AKAP13: variants seen among roughly 807,000 people sequenced by gnomAD.
AKAP13 encodes A-kinase anchoring protein 13.
In AKAP13, 80 loss-of-function variants were observed where a neutral mutation model predicts 264.5. The ratio of observed to expected loss-of-function variants is 0.30; its 90% CI spans 0.25 to 0.36. The LOEUF is 0.36. Among genes scored for constraint, AKAP13 ranks in the 10% least tolerant of loss-of-function variants. The pLI, the probability that AKAP13 is intolerant of heterozygous loss-of-function variation, is 1.00. For synonymous variants in AKAP13, 1,380 were observed against 1,250.2 expected (o/e 1.10, Z -2.19); for missense variants, 3,712 against 3,435.2 (o/e 1.08, Z -2.01).
intron 14 of AKAP13, 107 bp from the exon 15 acceptor site, chr15:85,682,051 C>G: frequency 9.6e-7 from 1 of 1,040,568 alleles, no homozygotes. Context: ...TGCTGACTTT[C>G]ACACGCTGTT....
At chr15:85,665,409 A>G (rs2083537477) in intron 13 of AKAP13, among the ~76,000 whole-genome samples, 1 of 152,180 alleles carries the variant, frequency 6.6e-6, no homozygotes, top group Non-Finnish European at 1.5e-5. Context: ...ATTCTCTAAA[A>G]CATATCCCAA....
rs540686284 is a variant in AKAP13, at chr15:85,519,725, TAGTC to T, written c.34-1702_34-1699del. Among the ~76,000 whole-genome samples the T allele has an allele frequency of 8.8e-3, 1,335 of 152,332 alleles. 12 individuals carry two copies. The highest frequency in any genetic ancestry group is 0.014 in the Middle Eastern group (4 of 294). ...GATACTGTTGAATGCTCCACTGTGG[TAGTC>T]GTAGTAGTCATGGACCCACTGGAGC... On this transcript the variant is annotated intron_variant, in intron 2 of 36. Transcript: ENST00000394518.
rs1213178948 is a variant in AKAP13 at position 85,747,133 on chromosome 15, C to T, written c.*2456C>T. Reference sequence around the variant, plus strand: ...ACAAGTTTAAAATCAAAGTAGTGCCCGGAATTCCCTCAAACCACCCAACTT... The same window carrying T: ...ACAAGTTTAAAATCAAAGTAGTGCCTGGAATTCCCTCAAACCACCCAACTT... On this transcript the variant is annotated 3_prime_UTR_variant, in exon 37 of 37. Coordinates refer to ENST00000394518, the MANE Select transcript of AKAP13 (RefSeq NM_007200.5). 5 of 152,124 alleles carry T rather than the reference C, an allele frequency of 3.3e-5. No individual in the cohort carries two copies. The highest frequency in any genetic ancestry group is 1.3e-4 in the Admixed American group (2 of 15,266). The allele number at this position is 152,124 out of a possible 1,614,324, so 9.4% of individuals were successfully genotyped here.
intron 2 of AKAP13, among the ~76,000 whole-genome samples, chr15:85,512,636 A>G (rs1396569199): frequency 1.3e-5 from 2 of 152,152 alleles, no homozygotes; most frequent in African/African-American, 4.8e-5. Flanking sequence ...CAAGATTTAA[A>G]AAATACTCTC....
intron 8 of AKAP13, among the ~76,000 whole-genome samples, chr15:85,636,800 A>G (rs1199367160): frequency 5.3e-5 from 8 of 152,006 alleles, no homozygotes; most frequent in Admixed American, 5.2e-4. Context: ...TTTTCAGTAG[A>G]GATGTGGTTT....
chr15:85,526,367 C>G (rs1250301473), intron 3 of AKAP13, among the ~76,000 whole-genome samples: 1 of 152,016 alleles, frequency 6.6e-6, no homozygotes, highest in East Asian at 1.9e-4. Context: ...TGAAGTTATT[C>G]TTATACCTCA....
chr15:85,703,582 C>T (rs1012537460), intron 17 of AKAP13, among the ~76,000 whole-genome samples: 11 of 152,208 alleles, frequency 7.2e-5, no homozygotes, highest in African/African-American at 2.7e-4. Flanking sequence ...TGGCTCACGC[C>T]TGTGATCCCA....
intron 1 of AKAP13, among the ~76,000 whole-genome samples, chr15:85,405,901 G>A (rs543117298): frequency 1.3e-5 from 2 of 152,140 alleles, no homozygotes; most frequent in Admixed American, 1.3e-4. Flanking sequence ...GGCTGTTAGA[G>A]TACACTGGTG....
At chr15:85,573,322 C>T (rs1388773751) in intron 5 of AKAP13, among the ~76,000 whole-genome samples, 1 of 152,088 alleles carries the variant, frequency 6.6e-6, no homozygotes, top group Non-Finnish European at 1.5e-5. Flanking sequence ...GTGGGTGGAT[C>T]ACCTGAGGTC....
intron 33 of AKAP13, among the ~76,000 whole-genome samples, chr15:85,737,256 T>G (rs898413999): frequency 6.6e-6 from 1 of 152,154 alleles, no homozygotes; most frequent in Admixed American, 6.5e-5. Flanking sequence ...AGACTTAATA[T>G]GTGTTTCATC....
Position 85,494,616 on chromosome 15 carries a change from A to T in AKAP13, c.33+8863A>T, listed in dbSNP as rs1460745029. On this transcript the variant is annotated intron_variant, in intron 2 of 36. Coordinates refer to ENST00000394518, the MANE Select transcript of AKAP13 (RefSeq NM_007200.5). ...ACGAATTTGATGAGTCATAGGAATC[A>T]TTGTATGTTAGGAGTGGTTGAGCCC... is the stretch of plus-strand genomic sequence containing the variant. Among the ~76,000 whole-genome samples, 3 of 152,188 alleles carry T rather than the reference A, an allele frequency of 2.0e-5. No individual in the cohort carries two copies. The East Asian group carries it at 5.8e-4, about 29-fold the overall frequency.
In AKAP13 at chr15:85,747,020, TTTGG is replaced by T. The variant is rs1486100534; in HGVS notation, c.*2347_*2350del. ...CGCCCAGCTGTGATGTTTCATCTGC[TTTGG>T]TTGTTTTGGTGGTCTTTTTTAAAAA... On this transcript the variant is annotated 3_prime_UTR_variant, in exon 37 of 37. Transcript: ENST00000394518. The T allele has an allele frequency of 1.3e-5, 2 of 152,250 alleles. No individual in the cohort carries two copies. The highest frequency in any genetic ancestry group is 4.8e-5 in the African/African-American group (2 of 41,454). The allele number at this position is 152,250 out of a possible 1,614,324, so 9.4% of individuals were successfully genotyped here.
Position 85,741,245 on chromosome 15 carries a change from G to A in AKAP13, c.7808G>A (p.Arg2603His), listed in dbSNP as rs1011716750. Reference sequence around the variant, plus strand: ...CTCGAGGAGAAGCGCAGGCGCGAGCGTGAGTGGGAAGCTCGTGAGAGGGAG... The same window carrying A: ...CTCGAGGAGAAGCGCAGGCGCGAGCATGAGTGGGAAGCTCGTGAGAGGGAG... ...QYLEEKRRRE[R>H]EWEARERELR... is the part of the protein sequence containing the mutation. Residue 2603 changes from arginine (R) to histidine (H), a missense_variant, in exon 35 of 37, where the codon CGT becomes CAT. Arg to His is a conservative substitution (Grantham distance 29, BLOSUM62 0). This residue lies in a region of AKAP13 where 611 missense variants were observed against 539.3 expected (regional missense o/e 1.13). Coordinates refer to ENST00000394518, the MANE Select transcript of AKAP13 (RefSeq NM_007200.5). The A allele has an allele frequency of 4.3e-6, 7 of 1,609,416 alleles. No homozygotes were observed. The highest frequency in any genetic ancestry group is 2.7e-5 in the African/African-American group (2 of 74,866).
intron 17 of AKAP13, among the ~76,000 whole-genome samples, chr15:85,698,943 C>CAAAA (rs10715702): frequency 4.7e-4 from 34 of 72,834 alleles, no homozygotes; most frequent in Admixed American, 1.8e-4. Context: ...GACCTTGTCT[C>CAAAA]AAAAAAAAAA....
chr15:85,653,518 C>G (rs2082959957), intron 10 of AKAP13, among the ~76,000 whole-genome samples: 1 of 152,022 alleles, frequency 6.6e-6, no homozygotes, highest in African/African-American at 2.4e-5. Context: ...GAGATCAAGC[C>G]CAAAAGGTAG....
At chr15:85,557,911 G>C (rs750653194) in intron 5 of AKAP13, among the ~76,000 whole-genome samples, 12 of 152,182 alleles carry the variant, frequency 7.9e-5, no homozygotes, top group Non-Finnish European at 1.6e-4. Flanking sequence ...TTGGTTTTCA[G>C]CTTTGCTCAG....
rs181503295 is a variant in AKAP13, at chr15:85,711,194, A to G, written c.5599+549A>G. ...CCATGCCCGGCCTAAACTTCTTTCT[A>G]AACTGAGAAGTTATAGAAAATAGTT... On this transcript the variant is annotated intron_variant, in intron 19 of 36. Coordinates refer to ENST00000394518, the MANE Select transcript of AKAP13 (RefSeq NM_007200.5). 1.2e-4 allele frequency among the ~76,000 whole-genome samples: 19 copies of G among 152,124 alleles called. 1 individual carries two copies. Among genetic ancestry groups the G allele is most frequent in the African/African-American group, 4.6e-4 (19 of 41,506 alleles).
chr15:85,726,657 C>CA (rs1026103598), intron 27 of AKAP13, among the ~76,000 whole-genome samples, 171 bp downstream of exon 27: 1 of 152,160 alleles, frequency 6.6e-6, no homozygotes, highest in Non-Finnish European at 1.5e-5. Flanking sequence ...CCCCTCTTCC[C>CA]AAAAAATTAT....
At chr15:85,683,785 A>G (rs932808080) in intron 15 of AKAP13, among the ~76,000 whole-genome samples, 8 of 152,232 alleles carry the variant, frequency 5.3e-5, no homozygotes, top group Non-Finnish European at 1.0e-4. Flanking sequence ...CCAGCATTTA[A>G]GAAAATCAAC....
Sources: gnomAD v4.1 joint callset for allele counts (sites outside exome capture counted in the v4.1 genomes callset) on GRCh38, gnomAD v4.1.1 for gene constraint, gnomAD v4.1.1 regional missense constraint, MANE v1.5 for transcripts, NCBI Gene and HGNC (gene_info 2026-07-23, HGNC 2026-07-21) for gene names.